IL23R: variants seen among roughly 807,000 people sequenced by gnomAD.
The protein encoded by IL23R is interleukin-23 receptor.
A neutral mutation model predicts 56.9 loss-of-function variants in IL23R; 34 were observed. The ratio of observed to expected loss-of-function variants is 0.60; its 90% CI spans 0.45 to 0.80. IL23R has a LOEUF of 0.80. Among genes scored for constraint, IL23R ranks in the 30% least tolerant of loss-of-function variants. IL23R has a pLI of 0.00. For synonymous variants in IL23R, 230 were observed against 249.2 expected, an observed-to-expected ratio of 0.92 and a Z score of 0.73; for missense variants, 635 against 730.0, an observed-to-expected ratio of 0.87 and a Z score of 1.50.
chr1:67,170,277 A>T (rs982777151), intron 3 of IL23R, among the ~76,000 whole-genome samples: 2 of 152,344 alleles, frequency 1.3e-5, no homozygotes, highest in Non-Finnish European at 2.9e-5. Flanking sequence ...GATAAAGTTT[A>T]AAGTACATCA....
intron 4 of IL23R, among the ~76,000 whole-genome samples, chr1:67,185,536 G>A (rs1398966286): frequency 6.6e-6 from 1 of 152,000 alleles, no homozygotes; most frequent in Admixed American, 6.6e-5. Flanking sequence ...CTGCCTCCTG[G>A]GTTTCAAGCA....
chr1:67,239,132 C>A (rs1411115112), intron 8 of IL23R, among the ~76,000 whole-genome samples: 1 of 152,086 alleles, frequency 6.6e-6, no homozygotes, highest in Non-Finnish European at 1.5e-5. Context: ...GAAAATAGGG[C>A]TTTTTCATGT....
chr1:67,213,747 G>T (rs1330065117), intron 6 of IL23R, among the ~76,000 whole-genome samples: 1 of 152,144 alleles, frequency 6.6e-6, no homozygotes, highest in Non-Finnish European at 1.5e-5. Flanking sequence ...TATGATGTTC[G>T]TACAATGATG....
chr1:67,243,417 G>A (rs192733259), intron 9 of IL23R, among the ~76,000 whole-genome samples: 24 of 151,972 alleles, frequency 1.6e-4, no homozygotes, highest in Admixed American at 4.6e-4. Flanking sequence ...CCATCAACCC[G>A]TCATCTACAT....
At chr1:67,191,113 C>T (rs898030502) in intron 4 of IL23R, among the ~76,000 whole-genome samples, 1 of 152,156 alleles carries the variant, frequency 6.6e-6, no homozygotes, top group Non-Finnish European at 1.5e-5. Context: ...GACCACTAAC[C>T]TCAACTGGGC....
chr1:67,163,805 C>T (rs115193811), upstream of IL23R, among the ~76,000 whole-genome samples: 302 of 152,320 alleles, frequency 2.0e-3, 3 homozygotes, highest in Middle Eastern at 0.01. Context: ...TGGTGCCATG[C>T]TTGCACCGGC....
intron 3 of IL23R, among the ~76,000 whole-genome samples, chr1:67,177,980 T>C (rs185163718): frequency 6.6e-6 from 1 of 151,600 alleles, no homozygotes; most frequent in Non-Finnish European, 1.5e-5. Context: ...GGTCTATATA[T>C]CTGTTTTGGT....
intron 9 of IL23R, among the ~76,000 whole-genome samples, chr1:67,246,511 G>A (rs1416756066): frequency 6.6e-6 from 1 of 152,180 alleles, no homozygotes; most frequent in Non-Finnish European, 1.5e-5. Flanking sequence ...GGTACATTGT[G>A]TGTTTTTTCT....
chr1:67,222,983 G>C (rs1208143753), intron 7 of IL23R, among the ~76,000 whole-genome samples: 1 of 152,118 alleles, frequency 6.6e-6, no homozygotes. Flanking sequence ...GCGAGGTGTG[G>C]TGGCTCATGC....
At chr1:67,139,392 T>G (rs1053911986) in intron 1 of IL23R, among the ~76,000 whole-genome samples, 1 of 152,164 alleles carries the variant, frequency 6.6e-6, no homozygotes, top group Non-Finnish European at 1.5e-5. Flanking sequence ...TTCATTATGT[T>G]TCTATGCCTC....
chr1:67,166,028 CA>C (rs1290423653), upstream of IL23R, among the ~76,000 whole-genome samples: 1 of 152,022 alleles, frequency 6.6e-6, no homozygotes, highest in Non-Finnish European at 1.5e-5. Context: ...AATAACTTCA[CA>C]AAATATGTAT....
At chr1:67,186,367 C>T (rs1489224548) in intron 4 of IL23R, among the ~76,000 whole-genome samples, 1 of 152,062 alleles carries the variant, frequency 6.6e-6, no homozygotes, top group African/African-American at 2.4e-5. Context: ...AATTCATCTA[C>T]CATACAATTC....
At chr1:67,235,128 C>G (rs1651382948) in intron 7 of IL23R, among the ~76,000 whole-genome samples, 2 of 152,202 alleles carry the variant, frequency 1.3e-5, no homozygotes, top group South Asian at 4.1e-4. Flanking sequence ...AGGGCATAAC[C>G]TTGTTCCCTC....
intron 6 of IL23R, among the ~76,000 whole-genome samples, chr1:67,219,261 G>A (rs1483858886): frequency 6.6e-6 from 1 of 152,050 alleles, no homozygotes; most frequent in Non-Finnish European, 1.5e-5. Flanking sequence ...CCAGTTACTT[G>A]GGAGGCTGAG....
chr1:67,197,450 G>T (rs1355056380), intron 4 of IL23R, among the ~76,000 whole-genome samples: 4 of 152,160 alleles, frequency 2.6e-5, no homozygotes, highest in African/African-American at 9.7e-5. Context: ...GTAGTTCAAG[G>T]GGCTCAAGAA....
chr1:67,218,416 T>C (rs1269978840), intron 6 of IL23R, among the ~76,000 whole-genome samples: 1 of 150,308 alleles, frequency 6.7e-6, no homozygotes, highest in African/African-American at 2.5e-5. Flanking sequence ...TAACCTGCAA[T>C]GAGGACCAAC....
At chr1:67,247,995 A>G (rs1179800211) in intron 9 of IL23R, among the ~76,000 whole-genome samples, 1 of 152,144 alleles carries the variant, frequency 6.6e-6, no homozygotes, top group African/African-American at 2.4e-5. Flanking sequence ...TTTTAGTCTG[A>G]TGGGCTTCCC....
intron 4 of IL23R, among the ~76,000 whole-genome samples, chr1:67,183,307 G>GA (rs1647184342): frequency 6.6e-6 from 1 of 152,182 alleles, no homozygotes; most frequent in African/African-American, 2.4e-5. Context: ...GGCCAAGGTG[G>GA]GTGAATAACC....
chr1:67,183,795 T>C (rs1647199250), intron 4 of IL23R, among the ~76,000 whole-genome samples: 1 of 152,210 alleles, frequency 6.6e-6, no homozygotes, highest in South Asian at 2.1e-4. Flanking sequence ...AGTGTCTACA[T>C]AGCTGATCAA....
Sources: allele counts gnomAD v4.1 joint callset (sites outside exome capture counted in the v4.1 genomes callset), GRCh38; gene constraint gnomAD v4.1.1; transcripts MANE v1.5; gene names NCBI Gene and HGNC (gene_info 2026-07-23, HGNC 2026-07-21).